Variants in AGPAT3 observed in about 807,000 individuals in gnomAD.
The protein encoded by AGPAT3 is 1-acylglycerol-3-phosphate O-acyltransferase 3, also known as 1-acyl-sn-glycerol-3-phosphate acyltransferase gamma.
In AGPAT3, 5 loss-of-function variants were observed where a neutral mutation model predicts 47.3. That is an observed-to-expected ratio of 0.11 (90% confidence interval 0.06 to 0.22). The LOEUF (loss-of-function observed/expected upper bound fraction) is 0.22, where lower values mean the gene tolerates loss of function less well. AGPAT3 is among the 10% of genes least tolerant of loss of function. AGPAT3 has a pLI of 1.00. For synonymous variants in AGPAT3, 212 were observed against 208.3 expected (o/e 1.02, Z -0.15); for missense variants, 315 against 493.0 (o/e 0.64, Z 3.42).
intron 3 of AGPAT3, among the ~76,000 whole-genome samples, chr21:43,963,314 T>C (rs1401250126): frequency 6.6e-6 from 1 of 152,108 alleles, no homozygotes; most frequent in Non-Finnish European, 1.5e-5. Context: ...CCTGAACTGA[T>C]GAAGGCACGA....
At chr21:43,891,883 G>T (rs568304882) in intron 1 of AGPAT3, among the ~76,000 whole-genome samples, 9 of 152,256 alleles carry the variant, frequency 5.9e-5, no homozygotes, top group African/African-American at 1.9e-4. Context: ...CTTCTTAATG[G>T]CATCTAGAAT....
At chr21:43,915,474 C>T (rs1307628419) in intron 2 of AGPAT3, among the ~76,000 whole-genome samples, 3 of 113,308 alleles carry the variant, frequency 2.6e-5, no homozygotes, top group Admixed American at 1.3e-4. Flanking sequence ...TGCAGTGGTG[C>T]GATCTCGGGT....
Position 43,986,943 on chromosome 21 carries a change from C to G in AGPAT3, c.*4551C>G, listed in dbSNP as rs1316925940. Among the ~76,000 whole-genome samples, 1 of 152,230 alleles carries G rather than the reference C, an allele frequency of 6.6e-6. No individual in the cohort carries two copies. Among genetic ancestry groups the G allele is most frequent in the African/African-American group, 2.4e-5 (1 of 41,444 alleles). Reference sequence around the variant, plus strand: ...AGCTTGTCGGGGTGAGGGCTGCTAACTTACACTTCAGAGGCCTGTGTCCCA... The same window carrying G: ...AGCTTGTCGGGGTGAGGGCTGCTAAGTTACACTTCAGAGGCCTGTGTCCCA... On this transcript the variant is annotated 3_prime_UTR_variant, in exon 10 of 10. Coordinates refer to ENST00000291572, the MANE Select transcript of AGPAT3 (RefSeq NM_020132.5).
chr21:43,927,605 G>C (rs936992222), intron 2 of AGPAT3, among the ~76,000 whole-genome samples: 3 of 152,258 alleles, frequency 2.0e-5, no homozygotes, highest in Admixed American at 6.5e-5. Context: ...CAGCTGATGG[G>C]AAACCTCCTT....
Position 43,987,434 on chromosome 21 carries a change from G to C in AGPAT3, c.*5042G>C, listed in dbSNP as rs2030401015. ...AATGACCTGATGATGTCCAAAAAAG[G>C]GTTTTAAAAGCGATCAAGGACAAAA... On this transcript the variant is annotated 3_prime_UTR_variant, in exon 10 of 10. Transcript: ENST00000291572. Among the ~76,000 whole-genome samples, 1 of 152,188 alleles carries C rather than the reference G, an allele frequency of 6.6e-6. No individual in the cohort carries two copies.
In AGPAT3 at chr21:43,952,031, C is replaced by G. The variant is rs929102416; in HGVS notation, c.-48-7603C>G. On this transcript the variant is annotated intron_variant, in intron 2 of 9. Transcript: ENST00000291572. The surrounding 1 kb of genome is among the most constrained non-coding windows in gnomAD (Gnocchi z 5.6). ...GGGGAGGAGGGTCCACATGCTGCAG[C>G]GAAGGACCTGGGGCAGGCAGGGGGT... Among the ~76,000 whole-genome samples, 1 of 151,896 alleles carries G rather than the reference C, an allele frequency of 6.6e-6. No homozygotes were observed. Among genetic ancestry groups the G allele is most frequent in the Non-Finnish European group, 1.5e-5 (1 of 67,986 alleles).
chr21:43,974,774 C>T (rs2089542116), intron 7 of AGPAT3, among the ~76,000 whole-genome samples: 1 of 152,044 alleles, frequency 6.6e-6, no homozygotes, highest in African/African-American at 2.4e-5. Context: ...TCAGGGACCA[C>T]AGCCAGCCAG....
rs775943745 is a variant in AGPAT3, at chr21:43,952,639, G to A, written c.-48-6995G>A. Reference sequence around the variant, plus strand: ...CAAGATGTGCTGGCGCCAGGCTTCCGGGCAACCTAAATCTGTTGTTTAATG... The same window carrying A: ...CAAGATGTGCTGGCGCCAGGCTTCCAGGCAACCTAAATCTGTTGTTTAATG... On this transcript the variant is annotated intron_variant, in intron 2 of 9. Transcript: ENST00000291572. This position sits in a 1 kb window ranked among gnomAD's most constrained non-coding sequence, Gnocchi z 5.6. 1.8e-4 allele frequency among the ~76,000 whole-genome samples: 27 copies of A among 152,278 alleles called. No homozygotes were observed. Among genetic ancestry groups the A allele is most frequent in the Non-Finnish European group, 2.4e-4 (16 of 68,014 alleles).
chr21:43,947,697 T>C (rs891319414), intron 2 of AGPAT3, among the ~76,000 whole-genome samples: 24 of 151,666 alleles, frequency 1.6e-4, no homozygotes, highest in African/African-American at 5.3e-4. Context: ...CTTTTCTTTT[T>C]TTTTTTTTTG....
intron 2 of AGPAT3, among the ~76,000 whole-genome samples, chr21:43,921,191 A>C (rs1341691891): frequency 6.6e-6 from 1 of 152,174 alleles, no homozygotes. Context: ...ATTGAACCTG[A>C]GGGGGAGTCA....
chr21:43,948,734 T>C (rs1427029173), intron 2 of AGPAT3, among the ~76,000 whole-genome samples: 1 of 152,258 alleles, frequency 6.6e-6, no homozygotes, highest in Non-Finnish European at 1.5e-5. Context: ...GCGGTTTTAA[T>C]TTTGTATTTT....
rs35297249 is a variant in AGPAT3, at chr21:43,918,588, C to CT, written c.-49+14585dup. 9.0e-3 allele frequency among the ~76,000 whole-genome samples: 1,168 copies of CT among 130,372 alleles called. 12 individuals carry two copies. Among genetic ancestry groups the CT allele is most frequent in the African/African-American group, 0.026 (925 of 35,838 alleles). The allele number at this position is 130,372 out of a possible 152,430, so 85.5% of individuals were successfully genotyped here. ...ATCTAGCAATCTGGCAGACTGCTGGCTTTTTTTTTTTTTTTTGAGACTGAC... is the reference window on the plus strand; with the variant it reads ...ATCTAGCAATCTGGCAGACTGCTGGCTTTTTTTTTTTTTTTTTGAGACTGAC... On this transcript the variant is annotated intron_variant, in intron 2 of 9. Transcript: ENST00000291572.
intron 1 of AGPAT3, among the ~76,000 whole-genome samples, chr21:43,882,183 C>T (rs80326107): frequency 0.019 from 2,829 of 152,332 alleles, 74 homozygotes; most frequent in African/African-American, 0.065. Context: ...TGTCATTCCC[C>T]GCCCTGCCGG....
At position 43,920,715 on chromosome 21, in the gene AGPAT3, C is replaced by T. The variant is rs1012734005; in HGVS notation, c.-49+16696C>T. Among the ~76,000 whole-genome samples the T allele has an allele frequency of 4.0e-5, 6 of 151,336 alleles. No homozygotes were observed. The highest frequency in any genetic ancestry group is 6.6e-5 in the Admixed American group (1 of 15,198). On this transcript the variant is annotated intron_variant, in intron 2 of 9. Transcript: ENST00000291572. The surrounding 1 kb of genome is among the most constrained non-coding windows in gnomAD (Gnocchi z 6.1). ...TTGGGGGCTTGCAGGCTGCTAAGCA[C>T]GGGGAGGTTCCCGGAGGGTGGAGCC...
At chr21:43,898,422 C>T (rs1261018465) in intron 1 of AGPAT3, among the ~76,000 whole-genome samples, 3 of 152,202 alleles carry the variant, frequency 2.0e-5, no homozygotes. Flanking sequence ...TCTTATTAAA[C>T]GAATCTACAA....
At position 43,981,115 on chromosome 21, in the gene AGPAT3, A is replaced by G; in HGVS notation, c.970A>G (p.Ser324Gly). 1 of 1,613,990 alleles carries G rather than the reference A, an allele frequency of 6.2e-7. No individual in the cohort carries two copies. Among genetic ancestry groups the G allele is most frequent in the Non-Finnish European group, 8.5e-7 (1 of 1,180,018 alleles). The stretch of plus-strand genomic sequence containing the variant: ...CACCATTCTCCTGTCTCCCCTCTTC[A>G]GTTTTGTCTTGGGCGTCTTTGCCAG... Reference protein sequence around the residue: ...WATILLSPLFSFVLGVFASGS... With the variant: ...WATILLSPLFGFVLGVFASGS... The change falls in exon 9 of 10, where the codon AGT becomes GGT. Residue 324 changes from serine to glycine, a missense_variant. By Grantham distance (56) the Ser-to-Gly change is moderately conservative. Transcript: ENST00000291572. This position sits in a 1 kb window ranked among gnomAD's most constrained non-coding sequence, Gnocchi z 5.3.
At chr21:43,876,831 T>C (rs764788025) in intron 1 of AGPAT3, among the ~76,000 whole-genome samples, 27 of 152,046 alleles carry the variant, frequency 1.8e-4, no homozygotes, top group Non-Finnish European at 3.7e-4. Flanking sequence ...CACCAGTTTT[T>C]GTTTTGTTTT....
At chr21:43,895,115 T>A (rs139491329) in intron 1 of AGPAT3, among the ~76,000 whole-genome samples, 2,199 of 152,006 alleles carry the variant, frequency 0.014, 25 homozygotes, top group Middle Eastern at 0.027. Context: ...TTATTTATTT[T>A]TTTTTTTGAG....
At chr21:43,945,490 T>C (rs2087845695) in intron 2 of AGPAT3, among the ~76,000 whole-genome samples, 1 of 152,232 alleles carries the variant, frequency 6.6e-6, no homozygotes, top group Non-Finnish European at 1.5e-5. Context: ...TGACTTTATA[T>C]CTGGACAGGG....
Sources: allele counts gnomAD v4.1 joint callset (sites outside exome capture counted in the v4.1 genomes callset), GRCh38; gene constraint gnomAD v4.1.1; non-coding constraint Gnocchi (gnomAD v3.1); transcripts MANE v1.5; gene names NCBI Gene and HGNC (gene_info 2026-07-23, HGNC 2026-07-21).